Variants in MICU3 observed in about 807,000 individuals in gnomAD.
MICU3 encodes the protein mitochondrial calcium uptake 3.
Under a neutral mutation model 66.5 loss-of-function variants are expected in MICU3, and 62 were observed. That is an observed-to-expected ratio of 0.93 (90% confidence interval 0.76 to 1.15). MICU3 has a LOEUF of 1.15. MICU3 is among the 50% of genes most tolerant of loss of function. The pLI, the probability that MICU3 is intolerant of heterozygous loss-of-function variation, is 0.00. For synonymous variants in MICU3, 308 were observed against 240.7 expected (o/e 1.28, Z -2.59); for missense variants, 779 against 664.4 (o/e 1.17, Z -1.90).
At chr8:17,065,814 CTT>C (rs1199915299) in intron 2 of MICU3, among the ~76,000 whole-genome samples, 1 of 152,006 alleles carries the variant, frequency 6.6e-6, no homozygotes, top group African/African-American at 2.4e-5. Context: ...AAAGGACTCT[CTT>C]ACAATATTTG....
At chr8:17,042,743 A>G (rs1476914573) in intron 1 of MICU3, among the ~76,000 whole-genome samples, 1 of 152,016 alleles carries the variant, frequency 6.6e-6, no homozygotes, top group Non-Finnish European at 1.5e-5. Context: ...CTAAAACTCC[A>G]TTTCTAGAAT....
intron 4 of MICU3, among the ~76,000 whole-genome samples, chr8:17,080,755 C>G (rs559071921): frequency 6.6e-6 from 1 of 152,104 alleles, no homozygotes; most frequent in Non-Finnish European, 1.5e-5. Flanking sequence ...CTCTGACAAA[C>G]TGCCTGACAG....
At chr8:17,112,707 C>A (rs1476644174) in intron 11 of MICU3, among the ~76,000 whole-genome samples, 1 of 152,144 alleles carries the variant, frequency 6.6e-6, no homozygotes, top group African/African-American at 2.4e-5. Context: ...GTCTGCCCCC[C>A]AATATATTGA....
chr8:17,044,069 T>C (rs1454033726), intron 1 of MICU3, among the ~76,000 whole-genome samples: 4 of 152,232 alleles, frequency 2.6e-5, no homozygotes, highest in African/African-American at 9.7e-5. Context: ...TCTTGCCTTT[T>C]GCTAGCAAAT....
Position 17,122,125 on chromosome 8 carries a change from T to C in MICU3, c.*1838T>C, listed in dbSNP as rs1803239197. 6.6e-6 allele frequency: 1 copy of C among 151,910 alleles called. No individual in the cohort carries two copies. Among genetic ancestry groups the C allele is most frequent in the African/African-American group, 2.4e-5 (1 of 41,456 alleles). The allele number at this position is 151,910 out of a possible 1,614,324, so 9.4% of individuals were successfully genotyped here. On this transcript the variant is annotated 3_prime_UTR_variant, in exon 15 of 15. Transcript: ENST00000318063. ...TCCCAAGGAAGAATAGCATTGTACATATGCAATCTTTATTTTATTCTTTAT... is the reference window on the plus strand; with the variant it reads ...TCCCAAGGAAGAATAGCATTGTACACATGCAATCTTTATTTTATTCTTTAT...
chr8:17,059,534 T>C (rs1010442805), intron 1 of MICU3, among the ~76,000 whole-genome samples: 2 of 152,186 alleles, frequency 1.3e-5, no homozygotes, highest in African/African-American at 2.4e-5. Flanking sequence ...GAAAATGAGA[T>C]ATAAATGCTG....
At chr8:17,035,567 G>A (rs1372232017) in intron 1 of MICU3, among the ~76,000 whole-genome samples, 2 of 152,210 alleles carry the variant, frequency 1.3e-5, no homozygotes, top group African/African-American at 4.8e-5. Flanking sequence ...CTAGTGGCAT[G>A]TTGTCCCTGC....
chr8:17,064,892 G>A lies in MICU3; in HGVS notation c.535+655G>A, dbSNP rs140520641. ...ATTATAGGTACTCTCCTTTGATACTGTATCACAATTGGCTGGTGGTAGTTG... is the reference window on the plus strand; with the variant it reads ...ATTATAGGTACTCTCCTTTGATACTATATCACAATTGGCTGGTGGTAGTTG... On this transcript the variant is annotated intron_variant, in intron 2 of 14. Coordinates refer to ENST00000318063, the MANE Select transcript of MICU3 (RefSeq NM_181723.3). Among the ~76,000 whole-genome samples the A allele has an allele frequency of 3.3e-5, 5 of 152,156 alleles. No homozygotes were observed. The East Asian group carries it at 7.7e-4, about 24-fold the overall frequency.
intron 1 of MICU3, among the ~76,000 whole-genome samples, chr8:17,062,843 T>C (rs540269332): frequency 1.3e-5 from 2 of 151,396 alleles, no homozygotes; most frequent in East Asian, 3.9e-4. Flanking sequence ...CATGCCACTG[T>C]ACTCCAGCCT....
chr8:17,050,589 T>A (rs957556956), intron 1 of MICU3, among the ~76,000 whole-genome samples: 4 of 152,272 alleles, frequency 2.6e-5, no homozygotes, highest in African/African-American at 7.2e-5. Flanking sequence ...CCATTTCTAG[T>A]TGAGATCTAT....
chr8:17,134,752 C>T, the MICU3 span, among the ~76,000 whole-genome samples: 1 of 152,242 alleles, frequency 6.6e-6, no homozygotes, highest in African/African-American at 2.4e-5. Context: ...CGAAAGTCAG[C>T]CTTTTTGTTC....
chr8:17,066,630 C>T (rs1347355396), intron 2 of MICU3, among the ~76,000 whole-genome samples: 2 of 149,376 alleles, frequency 1.3e-5, no homozygotes, highest in Non-Finnish European at 3.0e-5. Context: ...ACAACCTCAA[C>T]CTCCGAGGCT....
intron 8 of MICU3, among the ~76,000 whole-genome samples, chr8:17,094,218 G>A (rs970374391): frequency 2.0e-5 from 3 of 151,918 alleles, no homozygotes; most frequent in Non-Finnish European, 4.4e-5. Flanking sequence ...CATCTATGTT[G>A]TATGTAGTCC....
rs1811223853 is a variant in MICU3, at chr8:17,027,609, G to T, written c.330G>T (p.Pro110=). 2 of 1,309,846 alleles carry T rather than the reference G, an allele frequency of 1.5e-6. No homozygotes were observed. The highest frequency in any genetic ancestry group is 2.9e-4 in the Middle Eastern group (1 of 3,486). The allele number at this position is 1,309,846 out of a possible 1,614,324, so 81.1% of individuals were successfully genotyped here. A position where few individuals can be genotyped will look rare whatever the true frequency, so the allele number is the denominator to read the frequency against. ...GCGCGGCCACGGAGCCCGAGGACCCGCCCCGCGGCCGGGGGATGCTGCCCA... is the reference window on the plus strand; with the variant it reads ...GCGCGGCCACGGAGCCCGAGGACCCTCCCCGCGGCCGGGGGATGCTGCCCA... The part of the protein sequence containing the change: ...SKSAATEPED[P]PRGRGMLPIP... The change falls in exon 1 of 15, where the codon CCG becomes CCT. Residue 110 remains proline, a synonymous_variant. Coordinates refer to ENST00000318063, the MANE Select transcript of MICU3 (RefSeq NM_181723.3).
downstream of MICU3, among the ~76,000 whole-genome samples, chr8:17,123,879 G>T (rs1317505114): frequency 1.3e-5 from 2 of 150,286 alleles, no homozygotes; most frequent in Non-Finnish European, 3.0e-5. Context: ...TACTTTGATT[G>T]CATAGAACTA....
At chr8:17,068,940 G>A (rs1819129356) in intron 2 of MICU3, among the ~76,000 whole-genome samples, 1 of 152,010 alleles carries the variant, frequency 6.6e-6, no homozygotes, top group Non-Finnish European at 1.5e-5. Context: ...TTCTTAGGCA[G>A]GCATTAAATA....
At chr8:17,108,782 T>C (rs150618353) in intron 11 of MICU3, among the ~76,000 whole-genome samples, 5 of 152,176 alleles carry the variant, frequency 3.3e-5, no homozygotes, top group African/African-American at 9.7e-5. Context: ...GTGATTTCGA[T>C]CATACCACAG....
In MICU3 at chr8:17,027,404, C is replaced by A; in HGVS notation, c.125C>A (p.Pro42His). The change falls in exon 1 of 15, where the codon CCC becomes CAC. Residue 42 changes from proline to histidine, a missense_variant. Pro to His is a moderately conservative substitution (Grantham distance 77). Transcript: ENST00000318063. Reference protein sequence around the residue: ...AVTTLGLPGRPFSSREDEERA... With the variant: ...AVTTLGLPGRHFSSREDEERA... ...ACCACCCTGGGCCTTCCTGGCCGGC[C>A]CTTCTCCTCCCGAGAGGATGAGGAG... 7.0e-7 allele frequency: 1 copy of A among 1,421,514 alleles called. No individual in the cohort carries two copies. Among genetic ancestry groups the A allele is most frequent in the African/African-American group, 1.5e-5 (1 of 67,146 alleles). The allele number at this position is 1,421,514 out of a possible 1,614,324, so 88.1% of individuals were successfully genotyped here.
chr8:17,118,116 T>TA (rs1802859494), intron 13 of MICU3, among the ~76,000 whole-genome samples: 1 of 152,200 alleles, frequency 6.6e-6, no homozygotes, highest in Non-Finnish European at 1.5e-5. Context: ...AAATCGTTTA[T>TA]TTTGCCTCAA....
Sources: allele counts gnomAD v4.1 joint callset (sites outside exome capture counted in the v4.1 genomes callset), GRCh38; gene constraint gnomAD v4.1.1; transcripts MANE v1.5; gene names NCBI Gene and HGNC (gene_info 2026-07-23, HGNC 2026-07-21).